Variants in CR1 observed in about 807,000 individuals in gnomAD.
CR1 encodes complement receptor type 1.
A neutral mutation model predicts 187.3 loss-of-function variants in CR1; 116 were observed. The observed-to-expected ratio is 0.62, with a 90% CI of 0.53 to 0.72. CR1 has a LOEUF of 0.72. Among genes scored for constraint, CR1 ranks in the 30% least tolerant of loss-of-function variants. The pLI, the probability that CR1 is intolerant of heterozygous loss-of-function variation, is 0.00. For missense variants in CR1, 1,731 were observed against 2,110.7 expected, an observed-to-expected ratio of 0.82 and a Z score of 3.52; for synonymous variants, 576 against 747.1, an observed-to-expected ratio of 0.77 and a Z score of 3.73.
At chr1:207,606,577 C>T (rs1298104249) in intron 35 of CR1, 2 of 152,196 alleles carry the variant, frequency 1.3e-5, no homozygotes, top group African/African-American at 4.8e-5. Flanking sequence ...TGCTGTACAC[C>T]AGAACACATG....
chr1:207,635,247 C>T lies in CR1; in HGVS notation c.7458-4150C>T, dbSNP rs55719292. ...GCCCAGGGGACCGGTGTTCAGCATA[C>T]GGAGGATCCACCGGCCTCTGAGTTC... On this transcript the variant is annotated intron_variant, in intron 46 of 46. Transcript: ENST00000367049. Among the ~76,000 whole-genome samples, 485 of 152,000 alleles carry T rather than the reference C, an allele frequency of 3.2e-3. 3 individuals are homozygous for T. The highest frequency in any genetic ancestry group is 5.8e-3 in the Non-Finnish European group (391 of 67,974).
intron 3 of CR1, 48 bp from the exon 4 acceptor site, chr1:207,511,521 G>A (rs1243149226): frequency 6.4e-7 from 1 of 1,570,918 alleles, no homozygotes; most frequent in Non-Finnish European, 8.7e-7. Context: ...TAATTGGGTA[G>A]TTGACCTGTG....
chr1:207,538,093 CATATAT>C (rs147854730), intron 11 of CR1, among the ~76,000 whole-genome samples: 2 of 16,246 alleles, frequency 1.2e-4, no homozygotes, highest in Non-Finnish European at 2.0e-4. Context: ...TGATCTATAT[CATATAT>C]ATATATATAT....
chr1:207,496,967 C>G (rs932441796), intron 1 of CR1, among the ~76,000 whole-genome samples: 3 of 152,158 alleles, frequency 2.0e-5, no homozygotes, highest in African/African-American at 7.2e-5. Context: ...TACTTTGCTC[C>G]CAATGGTGTT....
chr1:207,513,776 CTTCCTTCT>C (rs1397663384), intron 4 of CR1, among the ~76,000 whole-genome samples: 11 of 126,624 alleles, frequency 8.7e-5, no homozygotes, highest in South Asian at 6.3e-4. Context: ...TCCTTCCTTC[CTTCCTTCT>C]TTCCTTCCTT....
At chr1:207,623,528 T>C (rs1662380520) in intron 45 of CR1, among the ~76,000 whole-genome samples, 1 of 151,100 alleles carries the variant, frequency 6.6e-6, no homozygotes, top group Admixed American at 6.6e-5. Context: ...GAGGTTGTAG[T>C]GAGCCAAGAC....
intron 35 of CR1, among the ~76,000 whole-genome samples, chr1:207,599,605 A>G (rs1341796212): frequency 6.6e-6 from 1 of 152,252 alleles, no homozygotes; most frequent in African/African-American, 2.4e-5. Context: ...TGAATAAATC[A>G]TAAGACGTCT....
rs1480120789 is a variant in CR1 at position 207,580,283 on chromosome 1, A to T, written c.4980A>T (p.Pro1660=). 1 of 1,613,794 alleles carries T rather than the reference A, an allele frequency of 6.2e-7. No individual in the cohort carries two copies. The highest frequency in any genetic ancestry group is 8.5e-7 in the Non-Finnish European group (1 of 1,179,842). Residue 1660 remains proline, a synonymous_variant, in exon 30 of 47, where the codon CCA becomes CCT. Coordinates refer to ENST00000367049, the MANE Select transcript of CR1 (RefSeq NM_000651.6). Reference sequence around the variant, plus strand: ...AAATCCTGCATGGTGAGCATACCCCAAGCCATCAGGACAACTTTTCACCTG... The same window carrying T: ...AAATCCTGCATGGTGAGCATACCCCTAGCCATCAGGACAACTTTTCACCTG... ...PPEILHGEHT[P]SHQDNFSPGQ... is the part of the protein sequence containing the mutation.
intron 35 of CR1, chr1:207,606,013 G>C (rs964085962): frequency 1.3e-5 from 2 of 152,300 alleles, no homozygotes; most frequent in Non-Finnish European, 2.9e-5. Flanking sequence ...TAAAATAACA[G>C]GATCTCAAAC....
Position 207,572,925 on chromosome 1 carries a change from T to G in CR1, c.4452-2670T>G, listed in dbSNP as rs548005153. Among the ~76,000 whole-genome samples the G allele has an allele frequency of 2.8e-4, 42 of 151,854 alleles. 2 individuals carry two copies. The South Asian group carries it at 8.3e-3, about 30-fold the overall frequency. ...CCTCATATGCTGTTCTCTCTGTGCA[T>G]GTCTGTTTCCAAAGTTTTCCCTTTT... On this transcript the variant is annotated intron_variant, in intron 27 of 46. Coordinates refer to ENST00000367049, the MANE Select transcript of CR1 (RefSeq NM_000651.6).
Position 207,567,924 on chromosome 1 carries a change from C to A in CR1, c.4053C>A (p.Asp1351Glu), listed in dbSNP as rs761866338. Residue 1351 changes from aspartate to glutamate, a missense_variant, in exon 25 of 47, where the codon GAC becomes GAA. By Grantham distance (45) the Asp-to-Glu change is conservative. Coordinates refer to ENST00000367049, the MANE Select transcript of CR1 (RefSeq NM_000651.6). ...GAAAAGCAGTAAATTACACATGCGA[C>A]CCCCACCCAGACAGAGGGACGAGCT... ...PFGKAVNYTC[D>E]PHPDRGTSFD... is the part of the protein sequence containing the mutation. The A allele has an allele frequency of 5.6e-6, 9 of 1,610,652 alleles. 1 individual carries two copies. The South Asian group carries it at 6.6e-5, about 12-fold the overall frequency.
chr1:207,631,107 T>G (rs1662632911), intron 46 of CR1, among the ~76,000 whole-genome samples: 2 of 152,184 alleles, frequency 1.3e-5, no homozygotes, highest in African/African-American at 4.8e-5. Context: ...TGGTCCTCAT[T>G]CCCTTGGGCT....
At chr1:207,628,739 ATT>A (rs1662556889) in intron 45 of CR1, among the ~76,000 whole-genome samples, 1 of 152,046 alleles carries the variant, frequency 6.6e-6, no homozygotes, top group African/African-American at 2.4e-5. Flanking sequence ...AACCTAAAGT[ATT>A]TTCCTTTTTT....
intron 35 of CR1, among the ~76,000 whole-genome samples, chr1:207,594,769 C>A (rs113344722): frequency 3.3e-5 from 5 of 152,268 alleles, no homozygotes; most frequent in African/African-American, 1.2e-4. Context: ...TGAGCCTGGA[C>A]GATTTAAACT....
chr1:207,616,509 TCA>T (rs907347863), intron 40 of CR1, 64 bp from the exon 41 acceptor site: 1 of 1,532,436 alleles, frequency 6.5e-7, no homozygotes, highest in African/African-American at 1.4e-5. Flanking sequence ...CAGTCACAGG[TCA>T]CTATTGTTTC....
intron 3 of CR1, among the ~76,000 whole-genome samples, chr1:207,507,764 CCTT>C (rs1659488384): frequency 6.6e-6 from 1 of 152,104 alleles, no homozygotes; most frequent in African/African-American, 2.4e-5. Context: ...CAGCAGTTAT[CCTT>C]CTTGGCATTT....
Position 207,623,044 on chromosome 1 carries a change from G to A in CR1, c.7328G>A (p.Trp2443Ter). ...ATTTTACTCATCATTTTCCTCTCTTGGATAATTCTAAAGCACAGAAAAGGG... is the reference window on the plus strand; with the variant it reads ...ATTTTACTCATCATTTTCCTCTCTTAGATAATTCTAAAGCACAGAAAAGGG... ...FFILLIIFLS[W>*]IILKHRKGNN... The change falls in exon 45 of 47, where the codon TGG becomes TAG. Residue 2443 changes from tryptophan to a stop codon, truncating the protein, a stop_gained. Coordinates refer to ENST00000367049, the MANE Select transcript of CR1 (RefSeq NM_000651.6). LOFTEE classifies it high-confidence loss of function. 1 of 1,580,402 alleles carries A rather than the reference G, an allele frequency of 6.3e-7. No homozygotes were observed. Among genetic ancestry groups the A allele is most frequent in the Non-Finnish European group, 8.6e-7 (1 of 1,160,294 alleles).
At position 207,610,148 on chromosome 1, in the gene CR1, GACTTCA is replaced by G. The variant is rs796861657; in HGVS notation, c.6295+471_6295+476del. Among the ~76,000 whole-genome samples the G allele has an allele frequency of 2.1e-4, 32 of 152,150 alleles. 1 individual carries two copies. The highest frequency in any genetic ancestry group is 5.8e-4 in the African/African-American group (24 of 41,514). On this transcript the variant is annotated intron_variant, in intron 37 of 46. Coordinates refer to ENST00000367049, the MANE Select transcript of CR1 (RefSeq NM_000651.6). ...AGAGCATCAAATCAAAAAGGCCTTGGACTTCAACTTCAACTTTTTCTCATTATAATT... is the reference window on the plus strand; with the variant it reads ...AGAGCATCAAATCAAAAAGGCCTTGGACTTCAACTTTTTCTCATTATAATT...
In CR1 at chr1:207,544,750, A is replaced by G. The variant is rs985903343; in HGVS notation, c.2237-558A>G. Among the ~76,000 whole-genome samples, 61 of 148,198 alleles carry G rather than the reference A, an allele frequency of 4.1e-4. 1 individual carries two copies. Among genetic ancestry groups the G allele is most frequent in the East Asian group, 2.6e-3 (13 of 5,084 alleles). On this transcript the variant is annotated intron_variant, in intron 13 of 46. Transcript: ENST00000367049. ...GGCAGCACCTTGCTACATAGCATGA[A>G]GAGAGGAGACCCATAGTTCTTTACC...
Sources: gnomAD v4.1 joint callset for allele counts (sites outside exome capture counted in the v4.1 genomes callset) on GRCh38, gnomAD v4.1.1 for gene constraint, MANE v1.5 for transcripts, NCBI Gene and HGNC (gene_info 2026-07-23, HGNC 2026-07-21) for gene names.